The following HPSE2 variants were observed in gnomAD, a reference collection of about 807,000 sequenced individuals.
The protein encoded by HPSE2 is inactive heparanase-2.
Under a neutral mutation model 60.5 loss-of-function variants are expected in HPSE2, and 38 were observed. That is an observed-to-expected ratio of 0.63 (90% CI 0.48 to 0.82). The LOEUF (loss-of-function observed/expected upper bound fraction) is 0.82. Among genes scored for constraint, HPSE2 ranks in the 40% least tolerant of loss-of-function variants. The pLI is 0.00. For missense variants in HPSE2, 713 were observed against 740.4 expected (o/e 0.96, Z 0.43); for synonymous variants, 295 against 293.2 (o/e 1.01, Z -0.06).
At chr10:98,611,987 C>G (rs182228197) in intron 9 of HPSE2, among the ~76,000 whole-genome samples, 1 of 152,272 alleles carries the variant, frequency 6.6e-6, no homozygotes, top group Non-Finnish European at 1.5e-5. Flanking sequence ...AAGTCACTGA[C>G]AGCAACTCTT....
At chr10:98,827,229 G>T (rs569543556) in intron 3 of HPSE2, among the ~76,000 whole-genome samples, 1 of 151,940 alleles carries the variant, frequency 6.6e-6, no homozygotes, top group Non-Finnish European at 1.5e-5. Flanking sequence ...TTTTTGAGAC[G>T]GAGTCTTGCT....
At chr10:99,165,371 C>T (rs1464141539) in intron 2 of HPSE2, among the ~76,000 whole-genome samples, 1 of 151,978 alleles carries the variant, frequency 6.6e-6, no homozygotes, top group African/African-American at 2.4e-5. Flanking sequence ...TATGATTGTG[C>T]CATTCATCAC....
At chr10:99,079,678 T>C (rs1304953898) in intron 3 of HPSE2, among the ~76,000 whole-genome samples, 1 of 151,746 alleles carries the variant, frequency 6.6e-6, no homozygotes, top group African/African-American at 2.4e-5. Context: ...TTAGTGCACC[T>C]CCAGAGAAGT....
chr10:98,905,253 G>C (rs887869622), intron 3 of HPSE2, among the ~76,000 whole-genome samples: 126 of 151,576 alleles, frequency 8.3e-4, no homozygotes, highest in African/African-American at 2.9e-3. Context: ...CTGGTGTGCT[G>C]CACCCCCTAA....
At chr10:98,807,450 A>T (rs2134554686) in intron 3 of HPSE2, among the ~76,000 whole-genome samples, 1 of 152,302 alleles carries the variant, frequency 6.6e-6, no homozygotes, top group East Asian at 1.9e-4. Context: ...TCTAAGCCTC[A>T]GTTTCCTCTT....
intron 2 of HPSE2, among the ~76,000 whole-genome samples, chr10:99,208,643 C>CGTGTA (rs1248664316): frequency 6.6e-6 from 1 of 151,714 alleles, no homozygotes; most frequent in Non-Finnish European, 1.5e-5. Context: ...CATGATTACA[C>CGTGTA]CACTGCACTC....
At chr10:99,152,955 G>A (rs1159641949) in intron 2 of HPSE2, among the ~76,000 whole-genome samples, 1 of 152,256 alleles carries the variant, frequency 6.6e-6, no homozygotes. Context: ...CAAGGGGTCA[G>A]GGAGTTCCCT....
At chr10:98,587,131 A>T (rs1178623248) in intron 9 of HPSE2, among the ~76,000 whole-genome samples, 1 of 152,188 alleles carries the variant, frequency 6.6e-6, no homozygotes, top group Non-Finnish European at 1.5e-5. Flanking sequence ...CAAGGCATGG[A>T]TCAAATATTA....
intron 3 of HPSE2, among the ~76,000 whole-genome samples, chr10:99,077,769 A>G (rs147239912): frequency 6.6e-6 from 1 of 151,442 alleles, no homozygotes; most frequent in Non-Finnish European, 1.5e-5. Flanking sequence ...CTATGTTGAA[A>G]TTTTCACTTT....
chr10:98,782,939 A>ATTT (rs1393136954), intron 3 of HPSE2, among the ~76,000 whole-genome samples: 9 of 37,938 alleles, frequency 2.4e-4, no homozygotes, highest in South Asian at 7.8e-4. Context: ...TTTTTTTTTA[A>ATTT]TGTTTTTTTT....
At chr10:98,560,853 A>G (rs1944152724) in intron 9 of HPSE2, among the ~76,000 whole-genome samples, 1 of 98,118 alleles carries the variant, frequency 1.0e-5, no homozygotes, top group South Asian at 5.0e-4. Flanking sequence ...AAAAAACAAA[A>G]CTACTGCACA....
At chr10:98,563,773 C>G (rs1944260030) in intron 9 of HPSE2, among the ~76,000 whole-genome samples, 1 of 151,910 alleles carries the variant, frequency 6.6e-6, no homozygotes, top group African/African-American at 2.4e-5. Context: ...ACATACACAA[C>G]TAGGGTCATT....
chr10:98,723,791 C>G (rs1385825343), intron 4 of HPSE2, among the ~76,000 whole-genome samples: 2 of 152,160 alleles, frequency 1.3e-5, no homozygotes, highest in African/African-American at 4.8e-5. Context: ...GTTTGTATGT[C>G]TGTGGGATCG....
chr10:98,851,171 A>T (rs538024110), intron 3 of HPSE2, among the ~76,000 whole-genome samples: 1 of 152,336 alleles, frequency 6.6e-6, no homozygotes, highest in Non-Finnish European at 1.5e-5. Flanking sequence ...ACCTCAGGAG[A>T]GATAGCCATG....
the HPSE2 span, among the ~76,000 whole-genome samples, chr10:99,269,140 C>A: frequency 1.2e-4 from 18 of 149,526 alleles, no homozygotes; most frequent in African/African-American, 4.4e-4. Flanking sequence ...GCCTGGGGGA[C>A]AAGAGCGAGA....
chr10:98,479,998 A>G (rs929439748), intron 11 of HPSE2, among the ~76,000 whole-genome samples: 2 of 152,086 alleles, frequency 1.3e-5, no homozygotes, highest in Non-Finnish European at 2.9e-5. Flanking sequence ...TCTTCCAATT[A>G]CCTGACATTA....
intron 3 of HPSE2, among the ~76,000 whole-genome samples, chr10:98,799,087 T>C (rs891259653): frequency 4.6e-5 from 7 of 152,036 alleles, no homozygotes; most frequent in African/African-American, 1.7e-4. Context: ...AATAAAGGGA[T>C]GGAAAAAGAT....
chr10:98,892,416 C>G (rs1953360820), intron 3 of HPSE2, among the ~76,000 whole-genome samples: 1 of 152,154 alleles, frequency 6.6e-6, no homozygotes. Flanking sequence ...CCTGACACCA[C>G]CAAGTCCACC....
At chr10:98,882,668 A>G (rs553436141) in intron 3 of HPSE2, among the ~76,000 whole-genome samples, 51 of 152,222 alleles carry the variant, frequency 3.4e-4, no homozygotes, top group African/African-American at 1.2e-3. Flanking sequence ...ACCCAACATC[A>G]ATGAGACAGG....
Sources: allele counts gnomAD v4.1 joint callset (sites outside exome capture counted in the v4.1 genomes callset), GRCh38; gene constraint gnomAD v4.1.1; transcripts MANE v1.5; gene names NCBI Gene and HGNC (gene_info 2026-07-23, HGNC 2026-07-21).